KCNQ3: variants seen among roughly 807,000 people sequenced by gnomAD.
The protein encoded by KCNQ3 is potassium voltage-gated channel subfamily KQT member 3.
KCNQ3 carries 30 observed loss-of-function variants against 92.5 expected under a neutral mutation model. The observed-to-expected ratio is 0.32, with a 90% CI of 0.24 to 0.44. The LOEUF is 0.44. Among genes scored for constraint, KCNQ3 ranks in the 20% least tolerant of loss-of-function variants. The pLI is 1.00. For missense variants in KCNQ3, 913 were observed against 1,140.3 expected (o/e 0.80, Z 2.87); for synonymous variants, 450 against 468.8 (o/e 0.96, Z 0.52).
chr8:132,474,671 T>A (rs1587055042), intron 1 of KCNQ3, among the ~76,000 whole-genome samples: 1 of 152,150 alleles, frequency 6.6e-6, no homozygotes, highest in East Asian at 1.9e-4. Context: ...AGCAAATGCT[T>A]ACTTAGTACC....
At chr8:132,156,879 G>T (rs931603218) in intron 9 of KCNQ3, among the ~76,000 whole-genome samples, 2 of 152,156 alleles carry the variant, frequency 1.3e-5, no homozygotes, top group African/African-American at 4.8e-5. Context: ...ATGAGAGGGA[G>T]TTTGGGACAC....
rs1286354640 is a variant in KCNQ3, at chr8:132,303,853, TG to T, written c.387-117673del. ...ATGTACACACAGAAAATATTATATG[TG>T]TATATATACACACATATATATACAC... On this transcript the variant is annotated intron_variant, in intron 1 of 14. Coordinates refer to ENST00000388996, the MANE Select transcript of KCNQ3 (RefSeq NM_004519.4). 3.3e-5 allele frequency among the ~76,000 whole-genome samples: 5 copies of T among 150,304 alleles called. No homozygotes were observed. In the East Asian group the frequency reaches 9.9e-4, roughly 30 times the overall value.
At chr8:132,406,326 G>A (rs77495581) in intron 1 of KCNQ3, among the ~76,000 whole-genome samples, 21,062 of 152,086 alleles carry the variant, frequency 0.14, 1,586 homozygotes, top group African/African-American at 0.19. Flanking sequence ...CTGAAGCTAC[G>A]TCCAATCTCA....
intron 1 of KCNQ3, among the ~76,000 whole-genome samples, chr8:132,317,698 C>T (rs754732232): frequency 2.0e-5 from 3 of 152,180 alleles, no homozygotes; most frequent in Non-Finnish European, 4.4e-5. Flanking sequence ...CCCACCTCTC[C>T]TCTTGTAGGT....
At chr8:132,328,138 G>A (rs1818114144) in intron 1 of KCNQ3, among the ~76,000 whole-genome samples, 1 of 152,120 alleles carries the variant, frequency 6.6e-6, no homozygotes, top group Non-Finnish European at 1.5e-5. Context: ...TGGCTTGGAG[G>A]AGGAGCCCAC....
chr8:132,253,914 G>A (rs1815494052), intron 1 of KCNQ3, among the ~76,000 whole-genome samples: 1 of 152,184 alleles, frequency 6.6e-6, no homozygotes, highest in Admixed American at 6.5e-5. Flanking sequence ...AAATCCCATA[G>A]GCTTCATCTG....
In KCNQ3 at chr8:132,259,763, CA is replaced by C. The variant is rs530489251; in HGVS notation, c.387-73583del. On this transcript the variant is annotated intron_variant, in intron 1 of 14. Coordinates refer to ENST00000388996, the MANE Select transcript of KCNQ3 (RefSeq NM_004519.4). ...TTTATACAAATAATCTCAAGGAAGTCACTAAAAAACTATTAGAACTAATAAA... is the reference window on the plus strand; with the variant it reads ...TTTATACAAATAATCTCAAGGAAGTCCTAAAAAACTATTAGAACTAATAAA... Among the ~76,000 whole-genome samples, 147 of 152,092 alleles carry C rather than the reference CA, an allele frequency of 9.7e-4. 1 individual carries two copies. The highest frequency in any genetic ancestry group is 9.2e-3 in the Admixed American group (140 of 15,190).
intron 6 of KCNQ3, 29 bp downstream of exon 6, chr8:132,174,210 T>C: frequency 6.7e-7 from 1 of 1,484,236 alleles, no homozygotes. Flanking sequence ...CACGTCACAT[T>C]GGGGATGTCA....
At position 132,194,701 on chromosome 8, in the gene KCNQ3, A is replaced by T. The variant is rs531117868; in HGVS notation, c.387-8520T>A. Among the ~76,000 whole-genome samples, 4 of 152,322 alleles carry T rather than the reference A, an allele frequency of 2.6e-5. No homozygotes were observed. In the South Asian group the frequency reaches 8.3e-4, roughly 32 times the overall value. Reference sequence around the variant, plus strand: ...AAGTCAGAGCTAAAATCGTTTTTCTAAATCTTCCTCTTCCTGATTTGACTC... The same window carrying T: ...AAGTCAGAGCTAAAATCGTTTTTCTTAATCTTCCTCTTCCTGATTTGACTC... On this transcript the variant is annotated intron_variant, in intron 1 of 14. Coordinates refer to ENST00000388996, the MANE Select transcript of KCNQ3 (RefSeq NM_004519.4).
chr8:132,132,080 T>G, intron 14 of KCNQ3, 100 bp downstream of exon 14: 1 of 852,406 alleles, frequency 1.2e-6, no homozygotes, highest in Non-Finnish European at 1.9e-6. Context: ...AGAGTGAACC[T>G]TCGTCTTAAA....
intron 6 of KCNQ3, 52 bp downstream of exon 6, chr8:132,174,187 G>A: frequency 1.5e-6 from 2 of 1,306,688 alleles, no homozygotes; most frequent in Non-Finnish European, 2.2e-6. Flanking sequence ...GCACCAGGCG[G>A]TAAGGGGTCC....
At position 132,480,159 on chromosome 8, in the gene KCNQ3, T is replaced by TA; in HGVS notation, c.373dup (p.Tyr125LeufsTer25). On this transcript the variant is annotated frameshift_variant, in exon 1 of 15. Transcript: ENST00000388996. LOFTEE classifies it high-confidence loss of function. ...GCCGGGTACTCACACCAACGCGTGG[T>TA]AAAGCAGCGCCCAGCCCCGCGGTCT... 6.2e-7 allele frequency: 1 copy of TA among 1,612,116 alleles called. No homozygotes were observed. The highest frequency in any genetic ancestry group is 8.5e-7 in the Non-Finnish European group (1 of 1,179,008).
chr8:132,416,954 G>T (rs1820823628), intron 1 of KCNQ3, among the ~76,000 whole-genome samples: 1 of 152,260 alleles, frequency 6.6e-6, no homozygotes, highest in South Asian at 2.1e-4. Flanking sequence ...ATGTGCAAGG[G>T]GACACGTCTG....
At chr8:132,389,944 G>A (rs750282570) in intron 1 of KCNQ3, among the ~76,000 whole-genome samples, 2 of 152,098 alleles carry the variant, frequency 1.3e-5, no homozygotes, top group Non-Finnish European at 2.9e-5. Flanking sequence ...AAGCACACAC[G>A]CATGTATGTT....
chr8:132,462,844 A>G (rs1344951529), intron 1 of KCNQ3, among the ~76,000 whole-genome samples: 1 of 152,188 alleles, frequency 6.6e-6, no homozygotes, highest in Non-Finnish European at 1.5e-5. Context: ...TACCATTGTT[A>G]TTACTACTGT....
chr8:132,340,404 G>A (rs112969495), intron 1 of KCNQ3, among the ~76,000 whole-genome samples: 10,605 of 152,206 alleles, frequency 0.07, 400 homozygotes, highest in South Asian at 0.14. Flanking sequence ...AATGTGGCAC[G>A]TATACACCAT....
intron 1 of KCNQ3, among the ~76,000 whole-genome samples, chr8:132,466,575 C>T (rs1369691656): frequency 7.9e-5 from 12 of 152,166 alleles, no homozygotes; most frequent in Non-Finnish European, 1.5e-4. Flanking sequence ...CAGTTGCCCT[C>T]ATGGTAACCT....
intron 1 of KCNQ3, among the ~76,000 whole-genome samples, chr8:132,271,655 T>C (rs1357059291): frequency 2.0e-5 from 3 of 152,162 alleles, no homozygotes; most frequent in African/African-American, 7.2e-5. Context: ...AAAAGGAATA[T>C]AATAAATGTA....
At position 132,364,728 on chromosome 8, in the gene KCNQ3, A is replaced by G. The variant is rs563388270; in HGVS notation, c.386+115419T>C. On this transcript the variant is annotated intron_variant, in intron 1 of 14. Coordinates refer to ENST00000388996, the MANE Select transcript of KCNQ3 (RefSeq NM_004519.4). ...GGATGGATGGATGGATGGACGATGAATGGATGGGTGGCTGGTTGGATGGAT... is the reference window on the plus strand; with the variant it reads ...GGATGGATGGATGGATGGACGATGAGTGGATGGGTGGCTGGTTGGATGGAT... Among the ~76,000 whole-genome samples, 4 of 139,934 alleles carry G rather than the reference A, an allele frequency of 2.9e-5. No homozygotes were observed. The East Asian group carries it at 8.0e-4, about 28-fold the overall frequency. 91.8% of individuals were successfully genotyped at this position (139,934 alleles called of 152,430 possible). A position where few individuals can be genotyped will look rare whatever the true frequency, so the allele number is the denominator to read the frequency against.
Sources: allele counts gnomAD v4.1 joint callset (sites outside exome capture counted in the v4.1 genomes callset), GRCh38; gene constraint gnomAD v4.1.1; transcripts MANE v1.5; gene names NCBI Gene and HGNC (gene_info 2026-07-23, HGNC 2026-07-21).